Variants in SLC23A2 observed in about 807,000 individuals in gnomAD.
SLC23A2 encodes Na(+)/L-ascorbic acid transporter 2.
In SLC23A2, 36 loss-of-function variants were observed where a neutral mutation model predicts 73.3. The observed-to-expected ratio is 0.49, with a 90% CI of 0.38 to 0.65. The LOEUF is 0.65. Ranked by LOEUF, SLC23A2 falls within the 30% of genes least tolerant of loss-of-function variation. The probability of loss-of-function intolerance (pLI) is 0.00; values close to 1 mark genes in which losing one functional copy is unlikely to be tolerated. For missense variants in SLC23A2, 507 were observed against 841.6 expected, an observed-to-expected ratio of 0.60 and a Z score of 4.92; for synonymous variants, 343 against 327.3, an observed-to-expected ratio of 1.05 and a Z score of -0.52.
chr20:4,935,554 T>A, intron 2 of SLC23A2, among the ~76,000 whole-genome samples: 1 of 152,134 alleles, frequency 6.6e-6, no homozygotes, highest in East Asian at 1.9e-4. Flanking sequence ...ATCCCAGCAC[T>A]TTGGGAGGCC....
chr20:5,002,262 C>T (rs1294812747), upstream of SLC23A2, among the ~76,000 whole-genome samples: 5 of 152,166 alleles, frequency 3.3e-5, no homozygotes, highest in East Asian at 1.9e-4. Context: ...GGCCCCACCC[C>T]CAGAGTTGCT....
Position 4,932,501 on chromosome 20 carries a change from C to T in SLC23A2, c.62G>A (p.Gly21Asp), listed in dbSNP as rs748979613. Residue 21 changes from glycine to aspartate, a missense_variant, in exon 3 of 17, where the codon GGC becomes GAC. Transcript: ENST00000338244. ...KSMEAGSSTE[G>D]KYEDEAKHPA... ...GTGCTTTGCCTCGTCTTCGTATTTGCCTTCTGTTGAACTTCCAGCCTCCAT... is the reference window on the plus strand; with the variant it reads ...GTGCTTTGCCTCGTCTTCGTATTTGTCTTCTGTTGAACTTCCAGCCTCCAT... 1.2e-6 allele frequency: 2 copies of T among 1,610,786 alleles called. No individual in the cohort carries two copies. The highest frequency in any genetic ancestry group is 3.3e-5 in the Admixed American group (2 of 60,012).
chr20:4,920,775 G>A (rs1228571539), intron 3 of SLC23A2, among the ~76,000 whole-genome samples: 1 of 152,136 alleles, frequency 6.6e-6, no homozygotes, highest in Non-Finnish European at 1.5e-5. Context: ...AACAGAGACA[G>A]AGTAAACATC....
intron 3 of SLC23A2, among the ~76,000 whole-genome samples, chr20:4,923,795 G>A (rs1932577330): frequency 6.6e-6 from 1 of 152,098 alleles, no homozygotes; most frequent in African/African-American, 2.4e-5. Context: ...TTCTTTGCTT[G>A]GTTTTTAGAA....
intron 1 of SLC23A2, among the ~76,000 whole-genome samples, chr20:4,995,746 C>G (rs1487869737): frequency 6.6e-6 from 1 of 152,158 alleles, no homozygotes; most frequent in Non-Finnish European, 1.5e-5. Context: ...AGCGCTAAGA[C>G]CCTAGGCAAG....
At chr20:5,002,784 T>C (rs527617173), upstream of SLC23A2, among the ~76,000 whole-genome samples, 1 of 152,270 alleles carries the variant, frequency 6.6e-6, no homozygotes, top group African/African-American at 2.4e-5. Context: ...CAGGCTGGAG[T>C]GCAACGGCAC....
intron 1 of SLC23A2, among the ~76,000 whole-genome samples, chr20:4,971,706 G>C (rs1568649419): frequency 1.3e-5 from 2 of 151,530 alleles, no homozygotes; most frequent in African/African-American, 4.9e-5. Flanking sequence ...AGGATTCCTT[G>C]AGCCCAGGAG....
chr20:5,002,051 T>C (rs898306110), upstream of SLC23A2, among the ~76,000 whole-genome samples: 2 of 151,686 alleles, frequency 1.3e-5, no homozygotes, highest in South Asian at 2.1e-4. Flanking sequence ...TCTCTGGGGG[T>C]CGTGTTAGGC....
At position 4,947,514 on chromosome 20, in the gene SLC23A2, A is replaced by T. The variant is rs984145085; in HGVS notation, c.-154-14798T>A. Among the ~76,000 whole-genome samples, 1 of 152,242 alleles carries T rather than the reference A, an allele frequency of 6.6e-6. No homozygotes were observed. The highest frequency in any genetic ancestry group is 2.4e-5 in the African/African-American group (1 of 41,476). The stretch of plus-strand genomic sequence containing the variant: ...GGAGCCACTGAAAAGCTAATTTTAT[A>T]TGGAATTTTAACAACAAGATAAAAA... On this transcript the variant is annotated intron_variant, in intron 2 of 16. Coordinates refer to ENST00000338244, the MANE Select transcript of SLC23A2 (RefSeq NM_005116.6). The surrounding 1 kb of genome is among the most constrained non-coding windows in gnomAD (Gnocchi z 4.4).
chr20:4,941,872 T>C (rs1009480741), intron 2 of SLC23A2, among the ~76,000 whole-genome samples: 9 of 152,318 alleles, frequency 5.9e-5, no homozygotes, highest in African/African-American at 2.2e-4. Flanking sequence ...AAAGATAGTA[T>C]GTACAGCATT....
chr20:5,000,565 C>T lies in SLC23A2; in HGVS notation c.-282+841G>A, dbSNP rs551776112. Reference sequence around the variant, plus strand: ...AGCACCTACTACAAACGCTGCAGACCCAGAAAGCCCTTATGGGTGACTTTC... The same window carrying T: ...AGCACCTACTACAAACGCTGCAGACTCAGAAAGCCCTTATGGGTGACTTTC... On this transcript the variant is annotated intron_variant, in intron 1 of 16. Transcript: ENST00000338244. Among the ~76,000 whole-genome samples the T allele has an allele frequency of 1.4e-4, 21 of 152,246 alleles. No homozygotes were observed. The South Asian group carries it at 4.1e-3, about 30-fold the overall frequency.
At chr20:4,930,596 A>G (rs1932778142) in intron 3 of SLC23A2, among the ~76,000 whole-genome samples, 1 of 152,246 alleles carries the variant, frequency 6.6e-6, no homozygotes, top group African/African-American at 2.4e-5. Flanking sequence ...AGGCAGGTGG[A>G]TCACCTGAGG....
At chr20:4,912,438 C>A (rs1397164021) in intron 4 of SLC23A2, among the ~76,000 whole-genome samples, 1 of 152,052 alleles carries the variant, frequency 6.6e-6, no homozygotes, top group Non-Finnish European at 1.5e-5. Flanking sequence ...CATATCATTT[C>A]ATTCAATCCA....
At chr20:4,970,473 C>T (rs558193788) in intron 2 of SLC23A2, among the ~76,000 whole-genome samples, 19 of 152,276 alleles carry the variant, frequency 1.2e-4, no homozygotes, top group Non-Finnish European at 2.5e-4. Flanking sequence ...TGGCTGAAGC[C>T]TATAATCCCA....
chr20:5,009,351 T>C (rs944607977), intron 1 of SLC23A2, among the ~76,000 whole-genome samples: 1 of 152,206 alleles, frequency 6.6e-6, no homozygotes, highest in Admixed American at 6.6e-5. Context: ...TGGATCTCCT[T>C]AATGTCCTCT....
At chr20:4,961,887 G>T (rs2122185976) in intron 2 of SLC23A2, among the ~76,000 whole-genome samples, 1 of 152,308 alleles carries the variant, frequency 6.6e-6, no homozygotes, top group East Asian at 1.9e-4. Context: ...TTTGGAATTT[G>T]TTCGGACAGT....
At chr20:4,938,842 T>C (rs763084618) in intron 2 of SLC23A2, among the ~76,000 whole-genome samples, 10 of 152,156 alleles carry the variant, frequency 6.6e-5, no homozygotes, top group Non-Finnish European at 1.3e-4. Context: ...CTCAGGACCC[T>C]GCTCATGCCA....
At chr20:4,908,026 T>G (rs912988875) in intron 4 of SLC23A2, among the ~76,000 whole-genome samples, 4 of 151,770 alleles carry the variant, frequency 2.6e-5, no homozygotes, top group African/African-American at 9.7e-5. Flanking sequence ...GAGACTAGAA[T>G]GAAAAAGCTC....
chr20:4,889,578 C>A (rs536755834), intron 6 of SLC23A2, among the ~76,000 whole-genome samples: 1 of 151,298 alleles, frequency 6.6e-6, no homozygotes, highest in Non-Finnish European at 1.5e-5. Flanking sequence ...TTTTAATTCC[C>A]TTTGGCATCC....
Sources: gnomAD v4.1 joint callset for allele counts (sites outside exome capture counted in the v4.1 genomes callset) on GRCh38, gnomAD v4.1.1 for gene constraint, Gnocchi (gnomAD v3.1) non-coding constraint, MANE v1.5 for transcripts, NCBI Gene and HGNC (gene_info 2026-07-23, HGNC 2026-07-21) for gene names.